PCDHA6: variants seen among roughly 807,000 people sequenced by gnomAD.
The protein encoded by PCDHA6 is protocadherin alpha-6.
A neutral mutation model predicts 60.3 loss-of-function variants in PCDHA6; 55 were observed. The observed-to-expected ratio is 0.91, with a 90% CI of 0.73 to 1.14. PCDHA6 has a LOEUF of 1.14. Ranked by LOEUF, PCDHA6 falls within the 50% of genes most tolerant of loss-of-function variation. The pLI is 0.00. For missense variants in PCDHA6, 1,327 were observed against 1,256.5 expected (o/e 1.06, Z -0.85); for synonymous variants, 652 against 557.9 (o/e 1.17, Z -2.38).
rs2150177337 is a variant in PCDHA6, at chr5:140,829,901, A to G, written c.1810A>G (p.Asn604Asp). Residue 604 changes from asparagine (N) to aspartate (D), a missense_variant, in exon 1 of 4, where the codon AAC (asparagine) becomes GAC (aspartate). By Grantham distance (23) the Asn-to-Asp change is conservative. Coordinates refer to ENST00000529310, the MANE Select transcript of PCDHA6 (RefSeq NM_018909.4). ...CGCAGTTGACGCCGACTCAGGCTAC[A>G]ACGCGTGGCTTTCGTATGAGCTGCA... Reference protein sequence around the residue: ...VRAVDADSGYNAWLSYELQPP... With the variant: ...VRAVDADSGYDAWLSYELQPP... 11 of 1,613,874 alleles carry G rather than the reference A, an allele frequency of 6.8e-6. No individual in the cohort carries two copies. Among genetic ancestry groups the G allele is most frequent in the Non-Finnish European group, 8.5e-6 (10 of 1,179,912 alleles).
chr5:140,857,735 G>C (rs782288464), intron 1 of PCDHA6: 8 of 1,597,222 alleles, frequency 5.0e-6, no homozygotes, highest in South Asian at 1.1e-5. Flanking sequence ...CAACGCTCCC[G>C]CGCTGCTGGC....
At chr5:140,999,837 A>T (rs2097878885) in intron 3 of PCDHA6, among the ~76,000 whole-genome samples, 1 of 152,206 alleles carries the variant, frequency 6.6e-6, no homozygotes, top group Non-Finnish European at 1.5e-5. Context: ...AAATATGCCA[A>T]GTGTATTTAT....
chr5:140,871,452 G>C, intron 1 of PCDHA6: 1 of 1,608,608 alleles, frequency 6.2e-7, no homozygotes, highest in Non-Finnish European at 8.5e-7. Context: ...ATAAAGAGGA[G>C]GAAGGGGAAA....
intron 1 of PCDHA6, among the ~76,000 whole-genome samples, chr5:140,889,615 T>C (rs1261276866): frequency 6.6e-6 from 1 of 152,184 alleles, no homozygotes; most frequent in Non-Finnish European, 1.5e-5. Flanking sequence ...ATTATACTGA[T>C]TCATTTCTCT....
chr5:140,835,725 G>C (rs2150243206), intron 1 of PCDHA6: 1 of 1,613,874 alleles, frequency 6.2e-7, no homozygotes. Context: ...GGTGGCCGAC[G>C]TGAACGACAA....
At chr5:140,834,306 T>G in intron 1 of PCDHA6, 1 of 1,335,582 alleles carries the variant, frequency 7.5e-7, no homozygotes, top group Non-Finnish European at 1.0e-6. Context: ...ACATCGAGAT[T>G]GAAATGAAGG....
intron 1 of PCDHA6, chr5:140,841,306 G>A (rs2150313155): frequency 3.8e-6 from 6 of 1,579,894 alleles, no homozygotes; most frequent in South Asian, 3.5e-5. Context: ...TTTCTGATAG[G>A]AAACGACTAT....
chr5:140,878,350 T>C (rs932815141), intron 1 of PCDHA6, among the ~76,000 whole-genome samples: 1 of 152,250 alleles, frequency 6.6e-6, no homozygotes, highest in Non-Finnish European at 1.5e-5. Context: ...CACAATAATA[T>C]AAATGATATG....
At position 140,850,017 on chromosome 5, in the gene PCDHA6, G is replaced by T. The variant is rs2150463566; in HGVS notation, c.2394+19532G>T. ...GGGCGAGCGCTCGCTGTCGAGCTAC[G>T]TGTCAGTGCACGCGGAGAGCGGCAA... is the stretch of plus-strand genomic sequence containing the variant. On this transcript the variant is annotated intron_variant, in intron 1 of 3. Transcript: ENST00000529310. The T allele has an allele frequency of 5.6e-6, 9 of 1,596,972 alleles. 2 individuals are homozygous for T. The highest frequency in any genetic ancestry group is 6.9e-6 in the Non-Finnish European group (8 of 1,167,832).
At position 140,968,051 on chromosome 5, in the gene PCDHA6, C is replaced by A. The variant is rs1353005851; in HGVS notation, c.2395-10898C>A. On this transcript the variant is annotated intron_variant, in intron 1 of 3. Transcript: ENST00000529310. ...ACTGGTGGTGAGCGGCCCACTGGACCGAGAGCGGGTGGCTGTCTACAACAT... is the reference window on the plus strand; with the variant it reads ...ACTGGTGGTGAGCGGCCCACTGGACAGAGAGCGGGTGGCTGTCTACAACAT... The A allele has an allele frequency of 1.9e-6, 3 of 1,614,018 alleles. No homozygotes were observed. The Admixed American group carries it at 5.0e-5, about 27-fold the overall frequency.
At chr5:140,953,135 G>C (rs1331167155) in intron 1 of PCDHA6, among the ~76,000 whole-genome samples, 2 of 152,126 alleles carry the variant, frequency 1.3e-5, no homozygotes, top group Non-Finnish European at 2.9e-5. Flanking sequence ...CCGTATCACT[G>C]TTATATTTCT....
At chr5:140,985,180 G>A (rs782679962) in intron 3 of PCDHA6, among the ~76,000 whole-genome samples, 1 of 152,028 alleles carries the variant, frequency 6.6e-6, no homozygotes, top group Non-Finnish European at 1.5e-5. Flanking sequence ...CTCGTAATCC[G>A]CCTGCCTCGG....
chr5:140,850,864 C>T, intron 1 of PCDHA6: 1 of 1,593,486 alleles, frequency 6.3e-7, no homozygotes, highest in Non-Finnish European at 8.6e-7. Context: ...GGAGAACCCT[C>T]TGCTTCCTCA....
At chr5:140,907,166 A>C (rs2073212277) in intron 1 of PCDHA6, among the ~76,000 whole-genome samples, 2 of 152,174 alleles carry the variant, frequency 1.3e-5, no homozygotes, top group Non-Finnish European at 2.9e-5. Context: ...CATATATTGG[A>C]TGCTGATTCA....
At chr5:140,875,339 T>C in intron 1 of PCDHA6, 2 of 1,441,270 alleles carry the variant, frequency 1.4e-6, no homozygotes, top group Non-Finnish European at 1.8e-6. Flanking sequence ...TAGGATCGAC[T>C]CCATAATGAC....
intron 3 of PCDHA6, among the ~76,000 whole-genome samples, chr5:141,000,421 A>ATTTTTTTTTTT (rs34755515): frequency 3.6e-5 from 1 of 27,968 alleles, no homozygotes; most frequent in Non-Finnish European, 5.7e-5. Context: ...ATATATATAT[A>ATTTTTTTTTTT]TTTTTTTTTT....
rs2150334258 is a variant in PCDHA6 at position 140,842,331 on chromosome 5, T to A, written c.2394+11846T>A. 3.4e-5 allele frequency: 55 copies of A among 1,607,694 alleles called. No individual in the cohort carries two copies. The East Asian group carries it at 1.2e-3, about 35-fold the overall frequency. On this transcript the variant is annotated intron_variant, in intron 1 of 3. Coordinates refer to ENST00000529310, the MANE Select transcript of PCDHA6 (RefSeq NM_018909.4). ...CCCATGGCGGGTCATTGCACCGTTT[T>A]AGTGAGAATTTTGGATAAAAATGAT...
At chr5:140,836,224 T>A in intron 1 of PCDHA6, 1 of 1,613,758 alleles carries the variant, frequency 6.2e-7, no homozygotes, top group Non-Finnish European at 8.5e-7. Flanking sequence ...TTGCAACCGG[T>A]GGCGGCCGGT....
chr5:140,845,374 T>C (rs1368895191), intron 1 of PCDHA6, among the ~76,000 whole-genome samples: 1 of 149,664 alleles, frequency 6.7e-6, no homozygotes, highest in Non-Finnish European at 1.5e-5. Flanking sequence ...ATATCATAAA[T>C]AGGAGGATTC....
Sources: gnomAD v4.1 joint callset for allele counts (sites outside exome capture counted in the v4.1 genomes callset) on GRCh38, gnomAD v4.1.1 for gene constraint, MANE v1.5 for transcripts, NCBI Gene and HGNC (gene_info 2026-07-23, HGNC 2026-07-21) for gene names.